Variants in TENM1 observed in about 807,000 individuals in gnomAD.
TENM1 encodes teneurin transmembrane protein 1, also known as teneurin-1.
Under a neutral mutation model 174.8 loss-of-function variants are expected in TENM1, and 35 were observed. The observed-to-expected ratio is 0.20, with a 90% confidence interval of 0.15 to 0.27. The LOEUF (loss-of-function observed/expected upper bound fraction) is 0.27. TENM1 is among the 10% of genes least tolerant of loss of function. The probability of loss-of-function intolerance (pLI) is 1.00; values close to 1 mark genes in which losing one functional copy is unlikely to be tolerated. For missense variants in TENM1, 1,633 were observed against 2,130.1 expected (o/e 0.77, Z 4.59); for synonymous variants, 781 against 798.7 (o/e 0.98, Z 0.37).
intron 1 of TENM1, among the ~76,000 whole-genome samples, chrX:124,948,238 G>A (rs1332135424): frequency 3.6e-5 from 4 of 111,899 alleles, no homozygotes; most frequent in South Asian, 3.7e-4. Context: ...AACAGAGAAC[G>A]TGATGAAGAA....
exon 31 of TENM1, chrX:124,382,781 G>C: frequency 8.3e-7 from 1 of 1,201,481 alleles, no homozygotes; most frequent in Non-Finnish European, 1.1e-6. Flanking sequence ...TGTGTAATTG[G>C]AAACCAAATA....
chrX:124,497,871 C>G (rs1227141233), intron 19 of TENM1, among the ~76,000 whole-genome samples: 7 of 111,692 alleles, frequency 6.3e-5, no homozygotes, highest in South Asian at 3.7e-4. Flanking sequence ...AATAGAGATA[C>G]TGACTTATGA....
At chrX:124,398,159 C>T (rs1373614565) in intron 27 of TENM1, among the ~76,000 whole-genome samples, 2 of 108,032 alleles carry the variant, frequency 1.9e-5, no homozygotes, top group African/African-American at 3.4e-5. Flanking sequence ...ACAGAGGAGA[C>T]GGAGCTTGCA....
At chrX:125,059,023 C>A in the TENM1 span, among the ~76,000 whole-genome samples, 2 of 109,709 alleles carry the variant, frequency 1.8e-5, no homozygotes, top group African/African-American at 6.6e-5. Flanking sequence ...AAACTGTGCA[C>A]CCATTAGTAG....
the TENM1 span, among the ~76,000 whole-genome samples, chrX:125,193,305 G>A: frequency 1.4e-4 from 16 of 112,543 alleles, no homozygotes; most frequent in African/African-American, 5.2e-4. Flanking sequence ...ATTCCACAAA[G>A]TTCCCAAAAG....
intron 15 of TENM1, 103 bp downstream of exon 18, chrX:124,546,771 T>C (rs2048440157): frequency 2.9e-6 from 2 of 683,626 alleles, no homozygotes; most frequent in Admixed American, 2.9e-5. Context: ...ACGTGGATTA[T>C]GTGGAATGGG....
At chrX:124,686,980 G>T (rs991029635) in intron 5 of TENM1, among the ~76,000 whole-genome samples, 2 of 111,396 alleles carry the variant, frequency 1.8e-5, no homozygotes, top group African/African-American at 6.5e-5. Flanking sequence ...AAGTCAAATA[G>T]TCTCTGTTTG....
chrX:124,544,284 T>C (rs757857572), intron 15 of TENM1, among the ~76,000 whole-genome samples: 19 of 112,224 alleles, frequency 1.7e-4, no homozygotes, highest in Non-Finnish European at 3.4e-4. Flanking sequence ...AGCATAGTGG[T>C]TTAGAGACTA....
intron 23 of TENM1, among the ~76,000 whole-genome samples, chrX:124,451,154 T>C (rs1457528307): frequency 9.0e-6 from 1 of 111,695 alleles, no homozygotes; most frequent in Non-Finnish European, 1.9e-5. Flanking sequence ...CACTGAATGT[T>C]GGGACTATGC....
chrX:124,806,625 C>T (rs2055605259), intron 3 of TENM1, among the ~76,000 whole-genome samples: 3 of 112,328 alleles, frequency 2.7e-5, no homozygotes, highest in South Asian at 7.2e-4. Flanking sequence ...TTTGCAGAAA[C>T]GTTACAGGCT....
intron 14 of TENM1, among the ~76,000 whole-genome samples, chrX:124,554,873 G>C (rs1285604552): frequency 9.0e-6 from 1 of 111,521 alleles, no homozygotes; most frequent in Non-Finnish European, 1.9e-5. Flanking sequence ...TCTCTTTTAG[G>C]CAATTAACTT....
chrX:124,380,437 T>G (rs1603241959), exon 32 of TENM1: 1 of 796,051 alleles, frequency 1.3e-6, no homozygotes, highest in East Asian at 3.3e-5. Flanking sequence ...CCTCCATATT[T>G]ACATATACAG....
At chrX:124,658,071 C>G (rs1242128331) in intron 6 of TENM1, among the ~76,000 whole-genome samples, 1 of 111,408 alleles carries the variant, frequency 9.0e-6, no homozygotes, top group East Asian at 2.8e-4. Context: ...GTGCTTGGAG[C>G]AAAATGGGAG....
At chrX:124,907,298 G>A (rs977552645) in intron 1 of TENM1, among the ~76,000 whole-genome samples, 2 of 112,076 alleles carry the variant, frequency 1.8e-5, no homozygotes, top group Non-Finnish European at 3.8e-5. Flanking sequence ...TACTCCAGGG[G>A]AATCCGAAGG....
the TENM1 span, among the ~76,000 whole-genome samples, chrX:125,026,683 G>A: frequency 9.0e-6 from 1 of 111,340 alleles, no homozygotes; most frequent in African/African-American, 3.3e-5. Flanking sequence ...ATACATCCAG[G>A]CCAAGTTGAG....
At chrX:124,501,098 C>T (rs1384503495) in intron 19 of TENM1, among the ~76,000 whole-genome samples, 1 of 111,457 alleles carries the variant, frequency 9.0e-6, no homozygotes, top group African/African-American at 3.3e-5. Context: ...ACTCGACTGC[C>T]AGGAAACCCT....
intron 22 of TENM1, among the ~76,000 whole-genome samples, chrX:124,457,663 G>C (rs755374111): frequency 9.0e-6 from 1 of 111,543 alleles, no homozygotes; most frequent in Admixed American, 9.6e-5. Flanking sequence ...GAAGGAACAG[G>C]GGCATCCTGA....
At chrX:125,010,771 G>A in the TENM1 span, among the ~76,000 whole-genome samples, 20 of 103,767 alleles carry the variant, frequency 1.9e-4, no homozygotes, top group South Asian at 6.3e-3. Flanking sequence ...CCGAGATCGC[G>A]CCACTGCACT....
intron 16 of TENM1, among the ~76,000 whole-genome samples, chrX:124,524,813 C>T (rs552477900): frequency 4.1e-4 from 46 of 111,201 alleles, no homozygotes; most frequent in Admixed American, 1.9e-4. Context: ...AGTATAATGA[C>T]GTCTTTGAGA....
Sources: allele counts gnomAD v4.1 joint callset (sites outside exome capture counted in the v4.1 genomes callset), GRCh38; gene constraint gnomAD v4.1.1; transcripts MANE v1.5; gene names NCBI Gene and HGNC (gene_info 2026-07-23, HGNC 2026-07-21).